PTP4A2: variants seen among roughly 807,000 people sequenced by gnomAD.
PTP4A2 encodes the protein protein tyrosine phosphatase 4A2.
Under a neutral mutation model 22.9 loss-of-function variants are expected in PTP4A2, and 2 were observed. The observed-to-expected ratio is 0.09, with a 90% CI of 0.04 to 0.27. The LOEUF (loss-of-function observed/expected upper bound fraction) is 0.27, where lower values mean the gene tolerates loss of function less well. Among genes scored for constraint, PTP4A2 ranks in the 10% least tolerant of loss-of-function variants. The probability of loss-of-function intolerance (pLI) is 1.00; values close to 1 mark genes in which losing one functional copy is unlikely to be tolerated. For synonymous variants in PTP4A2, 68 were observed against 69.1 expected (o/e 0.98, Z 0.08); for missense variants, 103 against 205.1 (o/e 0.50, Z 3.04).
At chr1:31,917,030 A>G (rs1651883090) in intron 2 of PTP4A2, among the ~76,000 whole-genome samples, 1 of 152,250 alleles carries the variant, frequency 6.6e-6, no homozygotes, top group Non-Finnish European at 1.5e-5. Context: ...TGCTCCTTTA[A>G]AACTCTCCCT....
intron 1 of PTP4A2, among the ~76,000 whole-genome samples, chr1:31,935,849 A>C (rs2124283122): frequency 6.6e-6 from 1 of 152,006 alleles, no homozygotes; most frequent in South Asian, 2.1e-4. Context: ...ATTTTTTTTG[A>C]GAGAGGGTCT....
chr1:31,931,675 CTTATAT>C (rs758588090), intron 1 of PTP4A2, among the ~76,000 whole-genome samples: 26 of 152,166 alleles, frequency 1.7e-4, no homozygotes, highest in Non-Finnish European at 1.2e-4. Context: ...TAGCCTGTGA[CTTATAT>C]TTAAAGTACT....
At chr1:31,928,256 A>G (rs35290092) in intron 1 of PTP4A2, among the ~76,000 whole-genome samples, 1 of 147,932 alleles carries the variant, frequency 6.8e-6, no homozygotes, top group Admixed American at 6.8e-5. Context: ...ATAATTATAT[A>G]CAATATAATA....
intron 2 of PTP4A2, among the ~76,000 whole-genome samples, chr1:31,916,663 T>C (rs1298833194): frequency 1.3e-5 from 2 of 152,054 alleles, no homozygotes; most frequent in Non-Finnish European, 2.9e-5. Flanking sequence ...TGGTGAAAAA[T>C]TAGAAACCAC....
chr1:31,916,467 T>A (rs773625440), intron 2 of PTP4A2, among the ~76,000 whole-genome samples: 1 of 151,646 alleles, frequency 6.6e-6, no homozygotes, highest in Non-Finnish European at 1.5e-5. Context: ...TGGACACTCA[T>A]GAAATCTCAG....
rs1379055179 is a variant in PTP4A2 at position 31,919,426 on chromosome 1, A to G, written c.-361T>C. ...AGGTCACTTTCCACTTGTTTACTTGATGCTTAATTTTACTGGAGTCATTAA... is the reference window on the plus strand; with the variant it reads ...AGGTCACTTTCCACTTGTTTACTTGGTGCTTAATTTTACTGGAGTCATTAA... On this transcript the variant is annotated 5_prime_UTR_variant, in exon 2 of 6. Coordinates refer to ENST00000647444, the MANE Select transcript of PTP4A2 (RefSeq NM_080391.4). 1 of 153,674 alleles carries G rather than the reference A, an allele frequency of 6.5e-6. No individual in the cohort carries two copies. Among genetic ancestry groups the G allele is most frequent in the African/African-American group, 2.4e-5 (1 of 41,436 alleles). The allele number at this position is 153,674 out of a possible 1,614,324, so 9.5% of individuals were successfully genotyped here. A position where few individuals can be genotyped will look rare whatever the true frequency, so the allele number is the denominator to read the frequency against.
chr1:31,927,657 A>G (rs1652529287), intron 1 of PTP4A2, among the ~76,000 whole-genome samples: 1 of 152,212 alleles, frequency 6.6e-6, no homozygotes, highest in Non-Finnish European at 1.5e-5. Context: ...GACCAGGGTA[A>G]CAGCAGTAGG....
intron 1 of PTP4A2, among the ~76,000 whole-genome samples, chr1:31,929,501 C>T (rs1204144524): frequency 6.6e-6 from 1 of 152,152 alleles, no homozygotes; most frequent in Non-Finnish European, 1.5e-5. Flanking sequence ...TTTTAAGACT[C>T]CCAAGCCCCT....
chr1:31,922,204 G>C (rs1652188852), intron 1 of PTP4A2, among the ~76,000 whole-genome samples: 1 of 152,198 alleles, frequency 6.6e-6, no homozygotes, highest in Non-Finnish European at 1.5e-5. Context: ...AAAAAAGTTG[G>C]CCGGGCGTGA....
chr1:31,937,174 T>C (rs930753387), intron 1 of PTP4A2, among the ~76,000 whole-genome samples: 26 of 152,112 alleles, frequency 1.7e-4, no homozygotes, highest in African/African-American at 3.4e-4. Flanking sequence ...GATGGCATCA[T>C]TGACAAATTT....
chr1:31,932,819 A>G (rs1284254558), intron 1 of PTP4A2: 1 of 151,820 alleles, frequency 6.6e-6, no homozygotes, highest in East Asian at 1.9e-4. Flanking sequence ...AGATTTTCAC[A>G]CAATATGCAC....
At chr1:31,909,105 G>A (rs1258533039) in intron 5 of PTP4A2, 145 bp from the exon 6 acceptor site, 4 of 654,874 alleles carry the variant, frequency 6.1e-6, no homozygotes, top group Non-Finnish European at 1.0e-5. Flanking sequence ...TTCTTAAAGA[G>A]CTAAGTTGCA....
At chr1:31,914,351 C>A in intron 3 of PTP4A2, 1 of 450,168 alleles carries the variant, frequency 2.2e-6, no homozygotes, top group Non-Finnish European at 4.5e-6. Flanking sequence ...AGGCATGAGC[C>A]ACCACACAGG....
At chr1:31,912,237 T>C (rs1248023787) in intron 3 of PTP4A2, among the ~76,000 whole-genome samples, 2 of 152,226 alleles carry the variant, frequency 1.3e-5, no homozygotes, top group Non-Finnish European at 2.9e-5. Flanking sequence ...GCATACCAAC[T>C]GGTGTCTCAT....
In PTP4A2 at chr1:31,915,714, AT is replaced by A. The variant is rs377256510; in HGVS notation, c.189+180del. 8.9e-4 allele frequency: 367 copies of A among 412,600 alleles called. 6 individuals are homozygous for A. Among genetic ancestry groups the A allele is most frequent in the African/African-American group, 7.2e-3 (345 of 47,836 alleles). 25.6% of individuals were successfully genotyped at this position (412,600 alleles called of 1,614,324 possible). A position where few individuals can be genotyped will look rare whatever the true frequency, so the allele number is the denominator to read the frequency against. Reference sequence around the variant, plus strand: ...ACCAACATGCCCCACCAGTTTTTTAATTATCTGTACAGATGAGATCTCGCCA... The same window carrying A: ...ACCAACATGCCCCACCAGTTTTTTAATATCTGTACAGATGAGATCTCGCCA... On this transcript the variant is annotated intron_variant, in intron 3 of 5. Transcript: ENST00000647444.
intron 1 of PTP4A2, among the ~76,000 whole-genome samples, chr1:31,925,677 G>A (rs755435623): frequency 6.7e-6 from 1 of 150,112 alleles, no homozygotes; most frequent in Admixed American, 6.6e-5. Flanking sequence ...GGAGAATGGC[G>A]TGAACCCGGG....
At chr1:31,923,920 TA>T (rs1377933712) in intron 1 of PTP4A2, 56 of 152,306 alleles carry the variant, frequency 3.7e-4, no homozygotes, top group African/African-American at 1.3e-3. Context: ...TCTGCGACCT[TA>T]AAATAAGGTG....
intron 1 of PTP4A2, among the ~76,000 whole-genome samples, chr1:31,924,693 T>C (rs1342205587): frequency 6.6e-6 from 1 of 152,236 alleles, no homozygotes; most frequent in Non-Finnish European, 1.5e-5. Context: ...CATATAACAG[T>C]GGTAAATTCA....
chr1:31,912,056 CA>C (rs1255509496), intron 3 of PTP4A2, among the ~76,000 whole-genome samples: 1 of 152,180 alleles, frequency 6.6e-6, no homozygotes, highest in Non-Finnish European at 1.5e-5. Flanking sequence ...TCTGAATTTA[CA>C]AAAACTTACA....
Sources: allele counts gnomAD v4.1 joint callset (sites outside exome capture counted in the v4.1 genomes callset), GRCh38; gene constraint gnomAD v4.1.1; transcripts MANE v1.5; gene names NCBI Gene and HGNC (gene_info 2026-07-23, HGNC 2026-07-21).